The following SMIM35 variants were observed in gnomAD, a reference collection of about 807,000 sequenced individuals.
SMIM35 encodes the protein small integral membrane protein 35.
intron 1 of SMIM35, among the ~76,000 whole-genome samples, chr11:118,068,588 C>T (rs1191423912): frequency 6.6e-6 from 1 of 152,204 alleles, no homozygotes; most frequent in African/African-American, 2.4e-5. Flanking sequence ...CATTCTCAGC[C>T]TGAACCCACC....
chr11:118,061,102 C>T (rs376561430), intron 1 of SMIM35, among the ~76,000 whole-genome samples: 19 of 152,298 alleles, frequency 1.2e-4, no homozygotes, highest in East Asian at 5.8e-4. Context: ...TGTTCCAAAA[C>T]GGGACACCTT....
chr11:118,028,945 G>A, intron 1 of SMIM35: 2 of 401,116 alleles, frequency 5.0e-6, no homozygotes, highest in Non-Finnish European at 9.8e-6. Context: ...AAGAGGAGGA[G>A]GAGGAGAAAT....
chr11:118,014,692 C>T lies in SMIM35; in HGVS notation c.158+16G>A, dbSNP rs571619274. On this transcript the variant is annotated intron_variant, in intron 3 of 4. Coordinates refer to ENST00000689828, the MANE Select transcript of SMIM35 (RefSeq NM_001394165.1). Reference sequence around the variant, plus strand: ...CCAACCCCCACCTCACCCAGATATTCCCTGAATTTACTCACCGGATTTGAT... The same window carrying T: ...CCAACCCCCACCTCACCCAGATATTTCCTGAATTTACTCACCGGATTTGAT... 1.2e-4 allele frequency: 49 copies of T among 398,810 alleles called. No homozygotes were observed. Among genetic ancestry groups the T allele is most frequent in the African/African-American group, 9.9e-4 (48 of 48,692 alleles). 24.7% of individuals were successfully genotyped at this position (398,810 alleles called of 1,614,324 possible).
chr11:118,013,920 C>A (rs1190106007), intron 3 of SMIM35, 40 bp from the exon 4 acceptor site: 3 of 398,804 alleles, frequency 7.5e-6, no homozygotes, highest in Non-Finnish European at 1.3e-5. Context: ...GAGCTGATAA[C>A]CTAGCCTCTC....
At chr11:118,034,710 A>G (rs2058345838) in intron 1 of SMIM35, among the ~76,000 whole-genome samples, 1 of 152,170 alleles carries the variant, frequency 6.6e-6, no homozygotes, top group South Asian at 2.1e-4. Context: ...TCTCAAAACA[A>G]ACAAACAGGC....
In SMIM35 at chr11:118,026,274, A is replaced by G. The variant is rs546706874; in HGVS notation, c.8-10465T>C. 3.3e-5 allele frequency among the ~76,000 whole-genome samples: 5 copies of G among 152,356 alleles called. No individual in the cohort carries two copies. The East Asian group carries it at 5.8e-4, about 18-fold the overall frequency. On this transcript the variant is annotated intron_variant, in intron 1 of 4. Transcript: ENST00000689828. ...TTTTAGAACTAAACATAGAAAATGA[A>G]AAAGCTGGGGATGAGGGAGTATTTC...
intron 1 of SMIM35, among the ~76,000 whole-genome samples, chr11:118,018,066 T>A (rs11216686): frequency 0.057 from 8,703 of 152,120 alleles, 549 homozygotes; most frequent in East Asian, 0.35. Context: ...CTTAGAGGTA[T>A]CTAGAGTGAA....
chr11:118,076,112 A>T (rs1944677831), intron 1 of SMIM35, among the ~76,000 whole-genome samples: 1 of 152,214 alleles, frequency 6.6e-6, no homozygotes, highest in Non-Finnish European at 1.5e-5. Context: ...TACTAAAAAT[A>T]CAAATTAGCC....
intron 1 of SMIM35, among the ~76,000 whole-genome samples, chr11:118,054,407 G>C (rs1401621905): frequency 6.6e-6 from 1 of 152,184 alleles, no homozygotes; most frequent in Non-Finnish European, 1.5e-5. Flanking sequence ...TCCATGGATA[G>C]ACAGCTGCAT....
intron 1 of SMIM35, among the ~76,000 whole-genome samples, chr11:118,052,785 T>C (rs913986614): frequency 6.6e-6 from 1 of 151,810 alleles, no homozygotes; most frequent in Non-Finnish European, 1.5e-5. Flanking sequence ...GCACTCCTGC[T>C]CACCCTCCGA....
intron 1 of SMIM35, among the ~76,000 whole-genome samples, chr11:118,086,525 G>A (rs1004955629): frequency 6.6e-6 from 1 of 152,384 alleles, no homozygotes; most frequent in Admixed American, 6.5e-5. Flanking sequence ...ATTTCTGCGT[G>A]AGAGCTTAGA....
At chr11:118,071,768 C>T (rs1184581878) in intron 1 of SMIM35, among the ~76,000 whole-genome samples, 1 of 152,208 alleles carries the variant, frequency 6.6e-6, no homozygotes, top group Non-Finnish European at 1.5e-5. Flanking sequence ...CCTCTACCCA[C>T]TCCTGAGTGT....
intron 1 of SMIM35, among the ~76,000 whole-genome samples, chr11:118,016,633 G>A (rs1170955550): frequency 2.6e-5 from 4 of 152,142 alleles, no homozygotes; most frequent in Admixed American, 1.3e-4. Context: ...CAGACTTTAG[G>A]TGCAGGCTAG....
chr11:118,079,920 A>G (rs960570297), intron 1 of SMIM35, among the ~76,000 whole-genome samples: 1 of 152,158 alleles, frequency 6.6e-6, no homozygotes, highest in Non-Finnish European at 1.5e-5. Context: ...AAAGGGCAAG[A>G]CAGGCAAGGA....
At chr11:118,055,995 A>T (rs1235042275) in intron 1 of SMIM35, among the ~76,000 whole-genome samples, 1 of 152,010 alleles carries the variant, frequency 6.6e-6, no homozygotes, top group Non-Finnish European at 1.5e-5. Flanking sequence ...GTCAGTAGTC[A>T]GTTGCCAAGC....
intron 1 of SMIM35, among the ~76,000 whole-genome samples, chr11:118,073,869 G>A (rs1210859195): frequency 6.6e-6 from 1 of 152,228 alleles, no homozygotes; most frequent in East Asian, 1.9e-4. Flanking sequence ...CCTGCAGAAC[G>A]TGTCTGAGCT....
chr11:118,069,554 C>A (rs1944538080), intron 1 of SMIM35, among the ~76,000 whole-genome samples: 1 of 152,150 alleles, frequency 6.6e-6, no homozygotes, highest in Non-Finnish European at 1.5e-5. Flanking sequence ...CCAGGGAGCT[C>A]AGTACAGGGG....
rs1233299309 is a variant in SMIM35 at position 118,069,488 on chromosome 11, CT to C, written c.7+17262del. On this transcript the variant is annotated intron_variant, in intron 1 of 4. Coordinates refer to ENST00000689828, the MANE Select transcript of SMIM35 (RefSeq NM_001394165.1). ...AGTCACTCTACCAACATTTACACACCTTTCGTTTGCCAGTCACTGTGCTGGT... is the reference window on the plus strand; with the variant it reads ...AGTCACTCTACCAACATTTACACACCTTCGTTTGCCAGTCACTGTGCTGGT... 9.2e-5 allele frequency among the ~76,000 whole-genome samples: 14 copies of C among 152,148 alleles called. 1 individual carries two copies. Among genetic ancestry groups the C allele is most frequent in the African/African-American group, 3.4e-4 (14 of 41,414 alleles).
chr11:118,076,993 T>A, intron 1 of SMIM35: 1 of 367,070 alleles, frequency 2.7e-6, no homozygotes, highest in African/African-American at 2.1e-5. Context: ...AAGATAGGTG[T>A]CAGGTTACAA....
Sources: gnomAD v4.1 joint callset for allele counts (sites outside exome capture counted in the v4.1 genomes callset) on GRCh38, gnomAD v4.1.1 for gene constraint, MANE v1.5 for transcripts, NCBI Gene and HGNC (gene_info 2026-07-23, HGNC 2026-07-21) for gene names.